The following SH3BP1 variants were observed in gnomAD, a reference collection of about 807,000 sequenced individuals.
The protein encoded by SH3BP1 is SH3 domain binding protein 1, also known as SH3 domain-binding protein 1.
A neutral mutation model predicts 69.8 loss-of-function variants in SH3BP1; 46 were observed. That is an observed-to-expected ratio of 0.66 (90% CI 0.52 to 0.84). The LOEUF (loss-of-function observed/expected upper bound fraction) is 0.84. Among genes scored for constraint, SH3BP1 ranks in the 40% least tolerant of loss-of-function variants. SH3BP1 has a pLI of 0.00. For missense variants in SH3BP1, 868 were observed against 930.9 expected (o/e 0.93, Z 0.88); for synonymous variants, 403 against 378.0 (o/e 1.07, Z -0.77).
intron 16 of SH3BP1, 188 bp downstream of exon 16, chr22:37,650,913 T>A: frequency 1.5e-6 from 1 of 684,696 alleles, no homozygotes; most frequent in Non-Finnish European, 2.4e-6. Flanking sequence ...TCTCAGCCAC[T>A]GATGTGTGCC....
chr22:37,652,669 C>T (rs1162971331), intron 16 of SH3BP1, among the ~76,000 whole-genome samples: 3 of 150,324 alleles, frequency 2.0e-5, no homozygotes, highest in South Asian at 4.2e-4. Context: ...ACTAAAAATG[C>T]AAAAAATTAG....
chr22:37,649,962 C>T, intron 14 of SH3BP1, 190 bp from the exon 15 acceptor site: 1 of 716,062 alleles, frequency 1.4e-6, no homozygotes, highest in Non-Finnish European at 2.6e-6. Flanking sequence ...TTAGTGATGT[C>T]TGTCAGGGTG....
intron 13 of SH3BP1, 112 bp downstream of exon 13, chr22:37,647,633 T>C (rs974220890): frequency 1.2e-4 from 82 of 668,786 alleles, no homozygotes; most frequent in Non-Finnish European, 1.7e-4. Flanking sequence ...CTAAGAAATA[T>C]TACTGAAAAT....
In SH3BP1 at chr22:37,647,424, T is replaced by A. The variant is rs1295997106; in HGVS notation, c.1119-17T>A. ...GTAGCCCTGCGCTGGCTGACAGGTCTCTCCACTCCCCCCCAGCCTGAAGGA... is the reference window on the plus strand; with the variant it reads ...GTAGCCCTGCGCTGGCTGACAGGTCACTCCACTCCCCCCCAGCCTGAAGGA... On this transcript the variant is annotated splice_polypyrimidine_tract_variant and intron_variant, in intron 12 of 17. Transcript: ENST00000649765. 6.2e-7 allele frequency: 1 copy of A among 1,610,518 alleles called. No individual in the cohort carries two copies. The highest frequency in any genetic ancestry group is 2.2e-5 in the East Asian group (1 of 44,628).
chr22:37,643,466 C>A, intron 6 of SH3BP1, 178 bp from the exon 7 acceptor site: 1 of 846,122 alleles, frequency 1.2e-6, no homozygotes, highest in Non-Finnish European at 1.8e-6. Flanking sequence ...CCAAATCTGC[C>A]ACCAGGGGGC....
At chr22:37,654,444 G>A (rs537216947) in intron 17 of SH3BP1, among the ~76,000 whole-genome samples, 1 of 152,112 alleles carries the variant, frequency 6.6e-6, no homozygotes, top group South Asian at 2.1e-4. Flanking sequence ...GGTTGCGGGT[G>A]CCTATCATCC....
chr22:37,643,076 AC>A (rs563200835), intron 5 of SH3BP1, 21 bp from the exon 6 acceptor site: 10 of 1,435,980 alleles, frequency 7.0e-6, no homozygotes, highest in Non-Finnish European at 7.8e-6. Flanking sequence ...CAGCACACTG[AC>A]CCCCCCATGC....
intron 6 of SH3BP1, 164 bp downstream of exon 6, chr22:37,643,338 A>T: frequency 4.3e-6 from 3 of 705,408 alleles, no homozygotes; most frequent in Non-Finnish European, 4.8e-6. Context: ...TGGTTAGCGT[A>T]TCTGTGAGGG....
intron 10 of SH3BP1, 90 bp downstream of exon 10, chr22:37,645,600 A>G: frequency 1.4e-6 from 2 of 1,446,762 alleles, no homozygotes; most frequent in Non-Finnish European, 1.9e-6. Flanking sequence ...GGGTGCCTGT[A>G]ATTCCCTCAT....
intron 3 of SH3BP1, chr22:37,642,146 G>A (rs58651901): frequency 0.068 from 15,746 of 230,014 alleles, 625 homozygotes; most frequent in South Asian, 0.11. Flanking sequence ...GCCATAGAGC[G>A]TTTGAACTCA....
At chr22:37,645,663 T>C (rs1479206380) in intron 10 of SH3BP1, among the ~76,000 whole-genome samples, 153 bp downstream of exon 10, 6 of 152,134 alleles carry the variant, frequency 3.9e-5, no homozygotes, top group African/African-American at 1.4e-4. Flanking sequence ...GCATCCACAC[T>C]ACCTCCCCCG....
At chr22:37,644,754 C>T in intron 8 of SH3BP1, 49 bp downstream of exon 8, 1 of 1,609,164 alleles carries the variant, frequency 6.2e-7, no homozygotes, top group African/African-American at 1.3e-5. Flanking sequence ...GGGCTGAATG[C>T]CAGAGCCAGG....
Position 37,648,214 on chromosome 22 carries a change from G to A in SH3BP1, c.1200-105G>A, listed in dbSNP as rs1019410810. The A allele has an allele frequency of 1.4e-5, 11 of 769,632 alleles. No individual in the cohort carries two copies. In the African/African-American group the frequency reaches 1.9e-4, roughly 13 times the overall value. The allele number at this position is 769,632 out of a possible 1,614,324, so 47.7% of individuals were successfully genotyped here. ...GCTGATTTAACTGTGACAATGTTAA[G>A]ACCATTCTGGGCGGTGTCTTTCACA... On this transcript the variant is annotated intron_variant, in intron 13 of 17. Coordinates refer to ENST00000649765, the MANE Select transcript of SH3BP1 (RefSeq NM_018957.6).
Position 37,641,381 on chromosome 22 carries a change from A to C in SH3BP1, c.110A>C (p.Gln37Pro). The change falls in exon 3 of 18, where the codon CAG becomes CCG. Residue 37 changes from glutamine to proline, a missense_variant. Around this residue, in one of 3 missense-constraint regions of SH3BP1, gnomAD observed 387 missense variants for 447.9 expected, o/e 0.86. Coordinates refer to ENST00000649765, the MANE Select transcript of SH3BP1 (RefSeq NM_018957.6). ...FLGEDLLQVE[Q>P]RLEPAKRAAH... The stretch of plus-strand genomic sequence containing the variant: ...TCCATACCTCCTTCCCAGGTAGAAC[A>C]GCGGCTGGAGCCGGCCAAGCGGGCA... The C allele has an allele frequency of 6.4e-7, 1 of 1,550,896 alleles. No homozygotes were observed. Among genetic ancestry groups the C allele is most frequent in the Non-Finnish European group, 8.7e-7 (1 of 1,146,994 alleles).
chr22:37,645,613 G>C (rs1037549670), intron 10 of SH3BP1, 103 bp downstream of exon 10: 65 of 1,338,000 alleles, frequency 4.9e-5, no homozygotes, highest in South Asian at 1.4e-5. Flanking sequence ...TCCCTCATTC[G>C]AGCCCAGCTC....
At chr22:37,650,342 G>T in intron 15 of SH3BP1, 93 bp downstream of exon 15, 1 of 1,508,902 alleles carries the variant, frequency 6.6e-7, no homozygotes. Context: ...ATAAGTCCAG[G>T]AGGAAGTCTG....
chr22:37,650,758 G>A, intron 16 of SH3BP1, 33 bp downstream of exon 16: 1 of 1,548,468 alleles, frequency 6.5e-7, no homozygotes, highest in Non-Finnish European at 8.7e-7. Flanking sequence ...GGCTCCTGTG[G>A]TACTCCCACA....
chr22:37,648,433 A>AG lies in SH3BP1; in HGVS notation c.1316+1dup, dbSNP rs759821896. On this transcript the variant is annotated frameshift_variant and splice_region_variant, in exon 14 of 18. Coordinates refer to ENST00000649765, the MANE Select transcript of SH3BP1 (RefSeq NM_018957.6). LOFTEE classifies it high-confidence loss of function. ...ACTTGCTGTGGCCACCTGAGAAAGA[A>AG]GGGTGAGGGGCCGCGGGCTGGGGGA... 1 of 1,560,058 alleles carries AG rather than the reference A, an allele frequency of 6.4e-7. No homozygotes were observed. The highest frequency in any genetic ancestry group is 2.3e-5 in the East Asian group (1 of 43,146).
At chr22:37,648,729 G>C (rs1302305585) in intron 14 of SH3BP1, 8 of 286,006 alleles carry the variant, frequency 2.8e-5, no homozygotes, top group Non-Finnish European at 4.6e-5. Context: ...TTGAGATGGA[G>C]TCTTGCTCTT....
Sources: allele counts gnomAD v4.1 joint callset (sites outside exome capture counted in the v4.1 genomes callset), GRCh38; gene constraint gnomAD v4.1.1; regional missense constraint gnomAD v4.1.1; transcripts MANE v1.5; gene names NCBI Gene and HGNC (gene_info 2026-07-23, HGNC 2026-07-21).